The following GNAI1 variants were observed in gnomAD, a reference collection of about 807,000 sequenced individuals.
GNAI1 encodes the protein G protein subunit alpha i1, also known as guanine nucleotide-binding protein G(i) subunit alpha-1.
GNAI1 carries 11 observed loss-of-function variants against 38.9 expected under a neutral mutation model. The observed-to-expected ratio is 0.28, with a 90% CI of 0.18 to 0.47. The LOEUF (loss-of-function observed/expected upper bound fraction) is 0.47. Among genes scored for constraint, GNAI1 ranks in the 20% least tolerant of loss-of-function variants. The pLI, the probability that GNAI1 is intolerant of heterozygous loss-of-function variation, is 0.99. For missense variants in GNAI1, 317 were observed against 436.9 expected (o/e 0.73, Z 2.45); for synonymous variants, 166 against 145.1 (o/e 1.14, Z -1.04).
chr7:80,156,620 G>A (rs1322288944), intron 1 of GNAI1, among the ~76,000 whole-genome samples: 1 of 152,054 alleles, frequency 6.6e-6, no homozygotes, highest in African/African-American at 2.4e-5. Context: ...ATTTCGTAGA[G>A]GTGGTATCTT....
chr7:80,184,940 C>T (rs12706673), intron 1 of GNAI1, among the ~76,000 whole-genome samples: 86,540 of 152,058 alleles, frequency 0.57, 25,563 homozygotes, highest in East Asian at 0.76. Context: ...CTGTGCCGGC[C>T]ACTTAGTCAC....
At chr7:80,159,834 G>A (rs570076539) in intron 1 of GNAI1, among the ~76,000 whole-genome samples, 2 of 152,214 alleles carry the variant, frequency 1.3e-5, no homozygotes, top group South Asian at 4.2e-4. Flanking sequence ...AGATTTCTGG[G>A]GAACTCAATC....
intron 3 of GNAI1, among the ~76,000 whole-genome samples, chr7:80,191,374 T>C (rs547125154): frequency 4.3e-4 from 65 of 152,046 alleles, no homozygotes; most frequent in Middle Eastern, 6.8e-3. Context: ...TAAGAAACAT[T>C]TTATTATTAT....
At chr7:80,147,510 T>G (rs1266493497) in intron 1 of GNAI1, among the ~76,000 whole-genome samples, 1 of 152,080 alleles carries the variant, frequency 6.6e-6, no homozygotes, top group Non-Finnish European at 1.5e-5. Context: ...TCTTGACCTA[T>G]GAGAAATAAA....
At chr7:80,186,348 A>G (rs1301532108) in intron 1 of GNAI1, among the ~76,000 whole-genome samples, 2 of 152,062 alleles carry the variant, frequency 1.3e-5, no homozygotes, top group African/African-American at 4.8e-5. Flanking sequence ...CTTTAATGTT[A>G]AACAGATTTC....
intron 1 of GNAI1, among the ~76,000 whole-genome samples, chr7:80,141,982 C>T (rs1177359069): frequency 1.3e-5 from 2 of 152,168 alleles, no homozygotes; most frequent in Admixed American, 6.5e-5. Context: ...AAGCTCCATG[C>T]GTCTAGCAAT....
rs1403224193 is a variant in GNAI1, at chr7:80,199,857, G to A, written c.461+475G>A. On this transcript the variant is annotated intron_variant, in intron 4 of 7. Transcript: ENST00000649796. ...GCAAGATGACTCCAAGGTATTTTTT[G>A]ACTAAGTAAAATAGCTCTGTATTTG... 5.3e-5 allele frequency among the ~76,000 whole-genome samples: 8 copies of A among 152,182 alleles called. No individual in the cohort carries two copies. In the East Asian group the frequency reaches 1.5e-3, roughly 29 times the overall value.
At position 80,135,189 on chromosome 7, in the gene GNAI1, A is replaced by T; in HGVS notation, c.29A>T (p.Lys10Met). 3 of 1,549,972 alleles carry T rather than the reference A, an allele frequency of 1.9e-6. No homozygotes were observed. Among genetic ancestry groups the T allele is most frequent in the Non-Finnish European group, 1.7e-6 (2 of 1,149,192 alleles). Residue 10 changes from lysine to methionine, a missense_variant, in exon 1 of 8, where the codon AAG becomes ATG. Physicochemically the swap from Lys to Met is moderately conservative, Grantham distance 95 (BLOSUM62 -1). Coordinates refer to ENST00000649796, the MANE Select transcript of GNAI1 (RefSeq NM_002069.6). MGCTLSAED[K>M]AAVERSKMID... ...GGCTGCACGCTGAGCGCCGAGGACA[A>T]GGCGGCGGTGGAGCGGAGTAAGATG...
chr7:80,198,926 A>C (rs1383660479), intron 3 of GNAI1, among the ~76,000 whole-genome samples: 1 of 152,186 alleles, frequency 6.6e-6, no homozygotes, highest in Non-Finnish European at 1.5e-5. Flanking sequence ...ACAAACTGTC[A>C]GTGGATAATT....
In GNAI1 at chr7:80,135,768, C is replaced by CT. The variant is rs1562818978; in HGVS notation, c.118+494dup. ...GCCACGTTTGGTGAAATCAGTGCACCTTTTGTGGGGCCTCTGAGATGGGGC... is the reference window on the plus strand; with the variant it reads ...GCCACGTTTGGTGAAATCAGTGCACCTTTTTGTGGGGCCTCTGAGATGGGGC... On this transcript the variant is annotated intron_variant, in intron 1 of 7. Coordinates refer to ENST00000649796, the MANE Select transcript of GNAI1 (RefSeq NM_002069.6). 4 of 984,320 alleles carry CT rather than the reference C, an allele frequency of 4.1e-6. No individual in the cohort carries two copies. The African/African-American group carries it at 7.1e-5, about 17-fold the overall frequency. The allele number at this position is 984,320 out of a possible 1,614,324, so 61.0% of individuals were successfully genotyped here.
At chr7:80,215,123 T>TA (rs540963108) in intron 7 of GNAI1, among the ~76,000 whole-genome samples, 65 of 152,290 alleles carry the variant, frequency 4.3e-4, no homozygotes, top group African/African-American at 1.5e-3. Flanking sequence ...CACCTATACT[T>TA]ACCTTTGTTC....
intron 1 of GNAI1, among the ~76,000 whole-genome samples, chr7:80,173,700 A>G (rs1788135268): frequency 6.6e-6 from 1 of 152,130 alleles, no homozygotes; most frequent in Non-Finnish European, 1.5e-5. Context: ...CTCAGAGGTG[A>G]TGGCTTCCTG....
At chr7:80,187,647 A>T (rs1788411323) in intron 1 of GNAI1, among the ~76,000 whole-genome samples, 1 of 152,186 alleles carries the variant, frequency 6.6e-6, no homozygotes, top group Non-Finnish European at 1.5e-5. Context: ...GAAAATGGGA[A>T]TATGGAGCCT....
chr7:80,194,147 C>T (rs1387782757), intron 3 of GNAI1, among the ~76,000 whole-genome samples: 1 of 152,106 alleles, frequency 6.6e-6, no homozygotes. Flanking sequence ...CTCTGGGCAG[C>T]CAAAATTTAG....
chr7:80,157,988 C>A (rs2116119317), intron 1 of GNAI1, among the ~76,000 whole-genome samples: 1 of 152,280 alleles, frequency 6.6e-6, no homozygotes, highest in South Asian at 2.1e-4. Flanking sequence ...GGATTACAGG[C>A]ATAAGCCACC....
At chr7:80,193,484 A>G (rs1788515957) in intron 3 of GNAI1, among the ~76,000 whole-genome samples, 1 of 152,212 alleles carries the variant, frequency 6.6e-6, no homozygotes, top group Admixed American at 6.5e-5. Flanking sequence ...ATCATTTCAC[A>G]GCTTTCGTAG....
At chr7:80,190,464 T>C (rs1305122620) in intron 3 of GNAI1, among the ~76,000 whole-genome samples, 1 of 152,060 alleles carries the variant, frequency 6.6e-6, no homozygotes, top group East Asian at 1.9e-4. Flanking sequence ...AATGCATAAA[T>C]TAGAGTGATT....
intron 7 of GNAI1, among the ~76,000 whole-genome samples, chr7:80,216,136 T>G (rs1484079782): frequency 6.6e-6 from 1 of 152,158 alleles, no homozygotes; most frequent in Non-Finnish European, 1.5e-5. Context: ...GAGCATTACA[T>G]TATATACATT....
At chr7:80,154,558 T>G (rs1421817389) in intron 1 of GNAI1, among the ~76,000 whole-genome samples, 1 of 152,192 alleles carries the variant, frequency 6.6e-6, no homozygotes, top group Admixed American at 6.5e-5. Flanking sequence ...GGGCTTCAGT[T>G]TTTATTTGGA....
Sources: gnomAD v4.1 joint callset for allele counts (sites outside exome capture counted in the v4.1 genomes callset) on GRCh38, gnomAD v4.1.1 for gene constraint, MANE v1.5 for transcripts, NCBI Gene and HGNC (gene_info 2026-07-23, HGNC 2026-07-21) for gene names.